GLIS3: variants seen among roughly 807,000 people sequenced by gnomAD.
The protein encoded by GLIS3 is zinc finger protein GLIS3.
GLIS3 carries 53 observed loss-of-function variants against 78.6 expected under a neutral mutation model. The ratio of observed to expected loss-of-function variants is 0.67; its 90% CI spans 0.54 to 0.85. The LOEUF (loss-of-function observed/expected upper bound fraction) is 0.85. Ranked by LOEUF, GLIS3 falls within the 40% of genes least tolerant of loss-of-function variation. The pLI is 0.00. For synonymous variants in GLIS3, 684 were observed against 509.9 expected, an observed-to-expected ratio of 1.34 and a Z score of -4.60; for missense variants, 1,703 against 1,231.1, an observed-to-expected ratio of 1.38 and a Z score of -5.74.
At chr9:4,246,674 G>C (rs1823832292) in intron 2 of GLIS3, among the ~76,000 whole-genome samples, 1 of 152,130 alleles carries the variant, frequency 6.6e-6, no homozygotes, top group Non-Finnish European at 1.5e-5. Context: ...ATATGAAATG[G>C]TGCTAAAGTT....
At chr9:4,061,962 T>C (rs1000600157) in intron 4 of GLIS3, among the ~76,000 whole-genome samples, 2 of 152,168 alleles carry the variant, frequency 1.3e-5, no homozygotes, top group Non-Finnish European at 2.9e-5. Context: ...AAAGGGAGCA[T>C]AAAAAATGGG....
At chr9:4,212,678 G>C (rs759984619) in intron 2 of GLIS3, among the ~76,000 whole-genome samples, 1 of 152,212 alleles carries the variant, frequency 6.6e-6, no homozygotes, top group Non-Finnish European at 1.5e-5. Context: ...CAAAGGAAAA[G>C]AGTTTTCCAT....
intron 2 of GLIS3, among the ~76,000 whole-genome samples, chr9:4,224,313 A>G (rs958734128): frequency 5.9e-5 from 9 of 152,200 alleles, no homozygotes; most frequent in Admixed American, 4.6e-4. Flanking sequence ...CAAGTAAGTA[A>G]CAGCTTGCTA....
intron 4 of GLIS3, among the ~76,000 whole-genome samples, chr9:4,116,238 C>T (rs1831627973): frequency 6.6e-6 from 1 of 152,202 alleles, no homozygotes; most frequent in Admixed American, 6.5e-5. Context: ...AAAGGTTGGA[C>T]TGTTTTCCTT....
chr9:4,061,438 C>G (rs62521685), intron 4 of GLIS3, among the ~76,000 whole-genome samples: 1 of 152,014 alleles, frequency 6.6e-6, no homozygotes, highest in Non-Finnish European at 1.5e-5. Context: ...GTATATGTGC[C>G]ACATTTTCTT....
intron 2 of GLIS3, among the ~76,000 whole-genome samples, chr9:4,245,930 A>C (rs1823765290): frequency 6.6e-6 from 1 of 151,982 alleles, no homozygotes; most frequent in East Asian, 1.9e-4. Flanking sequence ...ATTTATTTTT[A>C]TTTTTTCAGA....
At chr9:4,439,276 A>G in the GLIS3 span, among the ~76,000 whole-genome samples, 1 of 152,250 alleles carries the variant, frequency 6.6e-6, no homozygotes, top group Non-Finnish European at 1.5e-5. Flanking sequence ...GTATCATACA[A>G]TTCACACACT....
intron 4 of GLIS3, among the ~76,000 whole-genome samples, chr9:4,008,191 G>A (rs535711289): frequency 6.6e-6 from 1 of 152,192 alleles, no homozygotes; most frequent in Non-Finnish European, 1.5e-5. Context: ...TCAGAGGGAT[G>A]CTATAAGATC....
chr9:4,075,481 C>T (rs1026149411), intron 4 of GLIS3, among the ~76,000 whole-genome samples: 4 of 149,576 alleles, frequency 2.7e-5, no homozygotes, highest in African/African-American at 7.4e-5. Context: ...GAGGCTGAGG[C>T]GGAAGAATGG....
intron 2 of GLIS3, among the ~76,000 whole-genome samples, chr9:4,189,207 C>T (rs1038411769): frequency 3.3e-5 from 5 of 151,894 alleles, no homozygotes; most frequent in South Asian, 2.1e-4. Flanking sequence ...TCTTTGTTCT[C>T]GTTGGTTTCA....
At chr9:4,381,721 C>A in the GLIS3 span, among the ~76,000 whole-genome samples, 1 of 152,220 alleles carries the variant, frequency 6.6e-6, no homozygotes, top group Non-Finnish European at 1.5e-5. Context: ...TTATTCCATC[C>A]TGTCTGTATT....
intron 10 of GLIS3, among the ~76,000 whole-genome samples, chr9:3,828,880 C>T (rs1161461126): frequency 6.6e-6 from 1 of 152,148 alleles, no homozygotes; most frequent in Non-Finnish European, 1.5e-5. Flanking sequence ...AGAGCTGGAT[C>T]AGGCCTAACT....
At chr9:3,863,725 C>G (rs1240498269) in intron 8 of GLIS3, among the ~76,000 whole-genome samples, 3 of 152,122 alleles carry the variant, frequency 2.0e-5, no homozygotes, top group Non-Finnish European at 1.5e-5. Flanking sequence ...GTGTGAGAAA[C>G]AGAAAGGACA....
chr9:4,060,444 C>T (rs1826552068), intron 4 of GLIS3, among the ~76,000 whole-genome samples: 4 of 152,100 alleles, frequency 2.6e-5, no homozygotes, highest in South Asian at 2.1e-4. Flanking sequence ...TATTTGCCCC[C>T]GTGTTGAAAC....
At chr9:3,949,518 C>T (rs1588293761) in intron 4 of GLIS3, among the ~76,000 whole-genome samples, 1 of 152,282 alleles carries the variant, frequency 6.6e-6, no homozygotes, top group East Asian at 1.9e-4. Flanking sequence ...TATCTTACAG[C>T]GAGATCCCTT....
chr9:4,295,733 C>G (rs1007974934), intron 1 of GLIS3, among the ~76,000 whole-genome samples: 3 of 152,100 alleles, frequency 2.0e-5, no homozygotes, highest in Non-Finnish European at 2.9e-5. Context: ...AAAAATGCAT[C>G]GAGCTCAAGA....
chr9:4,279,731 C>A (rs1473915402), intron 2 of GLIS3, among the ~76,000 whole-genome samples: 1 of 151,892 alleles, frequency 6.6e-6, no homozygotes. Context: ...TTCTCCACTG[C>A]CACATCATTA....
At chr9:3,911,665 G>A (rs1159627680) in intron 6 of GLIS3, among the ~76,000 whole-genome samples, 2 of 152,106 alleles carry the variant, frequency 1.3e-5, no homozygotes, top group Non-Finnish European at 2.9e-5. Context: ...TGAAATATTA[G>A]ACAACTGTGA....
intron 4 of GLIS3, among the ~76,000 whole-genome samples, chr9:4,034,139 G>C (rs73390436): frequency 4.6e-4 from 70 of 152,108 alleles, no homozygotes; most frequent in African/African-American, 1.2e-3. Flanking sequence ...TAATGTAAGA[G>C]GATTGCTTGA....
Sources: allele counts gnomAD v4.1 joint callset (sites outside exome capture counted in the v4.1 genomes callset), GRCh38; gene constraint gnomAD v4.1.1; transcripts MANE v1.5; gene names NCBI Gene and HGNC (gene_info 2026-07-23, HGNC 2026-07-21).